ENOX1: variants seen among roughly 807,000 people sequenced by gnomAD.
ENOX1 encodes ecto-NOX disulfide-thiol exchanger 1.
In ENOX1, 42 loss-of-function variants were observed where a neutral mutation model predicts 82.5. The observed-to-expected ratio is 0.51, with a 90% CI of 0.40 to 0.66. The LOEUF is 0.66. Among genes scored for constraint, ENOX1 ranks in the 30% least tolerant of loss-of-function variants. The pLI, the probability that ENOX1 is intolerant of heterozygous loss-of-function variation, is 0.00. For synonymous variants in ENOX1, 271 were observed against 282.2 expected (o/e 0.96, Z 0.40); for missense variants, 608 against 811.6 (o/e 0.75, Z 3.05).
chr13:43,621,913 C>T (rs1377256572), intron 2 of ENOX1, among the ~76,000 whole-genome samples: 2 of 152,174 alleles, frequency 1.3e-5, no homozygotes, highest in Non-Finnish European at 2.9e-5. Context: ...GGTCATTTAA[C>T]ATAACCCCAG....
rs900180550 is a variant in ENOX1, at chr13:43,213,503, C to T, written c.*487G>A. ...TTTCTTTTGGTATGCTTTTCCCTCA[C>T]TGTAAAACTTTTTCTTTTTTCTTTT... is the stretch of plus-strand genomic sequence containing the variant. On this transcript the variant is annotated 3_prime_UTR_variant, in exon 17 of 17. Coordinates refer to ENST00000690772, the MANE Select transcript of ENOX1 (RefSeq NM_001347969.2). 1.4e-5 allele frequency: 2 copies of T among 145,782 alleles called. No homozygotes were observed. Among genetic ancestry groups the T allele is most frequent in the Non-Finnish European group, 3.0e-5 (2 of 66,004 alleles). The allele number at this position is 145,782 out of a possible 1,614,324, so 9.0% of individuals were successfully genotyped here.
chr13:43,384,989 A>G (rs1309027045), intron 5 of ENOX1, among the ~76,000 whole-genome samples: 1 of 152,090 alleles, frequency 6.6e-6, no homozygotes, highest in Admixed American at 6.5e-5. Context: ...TTGTGTAGAA[A>G]GCTCAGGGAA....
At chr13:43,436,188 A>G (rs1435520122) in intron 3 of ENOX1, among the ~76,000 whole-genome samples, 3 of 152,226 alleles carry the variant, frequency 2.0e-5, no homozygotes, top group South Asian at 4.1e-4. Flanking sequence ...ATTTAAATGC[A>G]TGCTTCCAAA....
chr13:43,238,342 T>C (rs750105205), intron 14 of ENOX1, among the ~76,000 whole-genome samples: 23 of 152,332 alleles, frequency 1.5e-4, no homozygotes, highest in Non-Finnish European at 3.2e-4. Context: ...GATTAGAACA[T>C]TTATAAAGAG....
intron 1 of ENOX1, among the ~76,000 whole-genome samples, chr13:43,683,428 A>G (rs1415413206): frequency 6.6e-6 from 1 of 152,144 alleles, no homozygotes. Flanking sequence ...TTGTCAGTCC[A>G]TTATCATCTT....
chr13:43,248,017 C>T (rs2043235365), intron 14 of ENOX1, among the ~76,000 whole-genome samples: 2 of 145,738 alleles, frequency 1.4e-5, no homozygotes, highest in African/African-American at 2.5e-5. Context: ...TCCCAAGTAC[C>T]TGGGACTACA....
At chr13:43,301,477 T>G (rs574920363) in intron 11 of ENOX1, among the ~76,000 whole-genome samples, 4 of 151,662 alleles carry the variant, frequency 2.6e-5, no homozygotes, top group Admixed American at 2.6e-4. Context: ...CTAAGCCAAG[T>G]GACTACAGTG....
At chr13:43,454,186 C>T (rs1442960050) in intron 3 of ENOX1, among the ~76,000 whole-genome samples, 1 of 151,936 alleles carries the variant, frequency 6.6e-6, no homozygotes, top group African/African-American at 2.4e-5. Flanking sequence ...TATTATAAGG[C>T]CTATAATTAA....
chr13:43,224,638 G>A (rs956125244), intron 15 of ENOX1, among the ~76,000 whole-genome samples: 4 of 152,128 alleles, frequency 2.6e-5, no homozygotes, highest in Non-Finnish European at 5.9e-5. Flanking sequence ...ATTGAAGGAA[G>A]CCCAAATTCT....
chr13:43,423,972 A>G (rs1057094892), intron 3 of ENOX1, among the ~76,000 whole-genome samples: 12 of 152,244 alleles, frequency 7.9e-5, no homozygotes, highest in African/African-American at 2.9e-4. Flanking sequence ...GAGACAGAGC[A>G]AGAGAGACAG....
At chr13:43,736,378 C>T (rs1477965297) in intron 1 of ENOX1, among the ~76,000 whole-genome samples, 2 of 152,092 alleles carry the variant, frequency 1.3e-5, no homozygotes. Context: ...ATTATATAAG[C>T]CTGAACAGTT....
intron 1 of ENOX1, among the ~76,000 whole-genome samples, chr13:43,716,283 G>A (rs1017475496): frequency 3.9e-5 from 6 of 152,116 alleles, no homozygotes; most frequent in African/African-American, 1.4e-4. Context: ...TAACAGACAG[G>A]ACCCTCAGCT....
chr13:43,746,998 G>A lies in ENOX1; in HGVS notation c.-285+39654C>T, dbSNP rs567314424. Among the ~76,000 whole-genome samples the A allele has an allele frequency of 4.8e-4, 73 of 152,238 alleles. 1 individual carries two copies. The highest frequency in any genetic ancestry group is 1.2e-3 in the South Asian group (6 of 4,820). ...CATGCCTCAGATACTTGCAGGAATCGGGGCAGCCAAAAGTGTTTCAGCTAT... is the reference window on the plus strand; with the variant it reads ...CATGCCTCAGATACTTGCAGGAATCAGGGCAGCCAAAAGTGTTTCAGCTAT... On this transcript the variant is annotated intron_variant, in intron 1 of 16. Coordinates refer to ENST00000690772, the MANE Select transcript of ENOX1 (RefSeq NM_001347969.2).
At chr13:43,728,937 A>C (rs2089158551) in intron 1 of ENOX1, among the ~76,000 whole-genome samples, 1 of 152,224 alleles carries the variant, frequency 6.6e-6, no homozygotes, top group South Asian at 2.1e-4. Flanking sequence ...CTGGGAAAGA[A>C]AGACTGGGAG....
chr13:43,459,388 G>A (rs976833033), intron 3 of ENOX1: 1 of 152,216 alleles, frequency 6.6e-6, no homozygotes, highest in Non-Finnish European at 1.5e-5. Flanking sequence ...TCCTTAGGTT[G>A]CAGGACTATA....
At chr13:43,733,425 A>G (rs2089451744) in intron 1 of ENOX1, among the ~76,000 whole-genome samples, 1 of 152,212 alleles carries the variant, frequency 6.6e-6, no homozygotes, top group South Asian at 2.1e-4. Flanking sequence ...ACCTCTATGC[A>G]CAAATGAATC....
intron 1 of ENOX1, among the ~76,000 whole-genome samples, chr13:43,667,785 T>A (rs756899981): frequency 1.2e-4 from 18 of 152,188 alleles, no homozygotes; most frequent in Non-Finnish European, 2.4e-4. Context: ...GAACTGTCAA[T>A]CTTTCAAAGA....
intron 1 of ENOX1, among the ~76,000 whole-genome samples, chr13:43,673,173 G>A (rs1038035255): frequency 2.5e-5 from 3 of 121,482 alleles, no homozygotes; most frequent in Admixed American, 7.8e-5. Flanking sequence ...GTTTGCATGT[G>A]TGTATATATA....
chr13:43,282,234 AT>A (rs1432295329), intron 12 of ENOX1, among the ~76,000 whole-genome samples: 5 of 152,166 alleles, frequency 3.3e-5, no homozygotes, highest in African/African-American at 1.2e-4. Context: ...AATAAATCCA[AT>A]TTGGTGATTT....
Sources: allele counts gnomAD v4.1 joint callset (sites outside exome capture counted in the v4.1 genomes callset), GRCh38; gene constraint gnomAD v4.1.1; transcripts MANE v1.5; gene names NCBI Gene and HGNC (gene_info 2026-07-23, HGNC 2026-07-21).